Variants in RBFOX1 observed in about 807,000 individuals in gnomAD.
The protein encoded by RBFOX1 is RNA binding fox-1 homolog 1.
A neutral mutation model predicts 57.7 loss-of-function variants in RBFOX1; 8 were observed. That is an observed-to-expected ratio of 0.14 (90% confidence interval 0.08 to 0.25). RBFOX1 has a LOEUF of 0.25. RBFOX1 is among the 10% of genes least tolerant of loss of function. The probability of loss-of-function intolerance (pLI) is 1.00; values close to 1 mark genes in which losing one functional copy is unlikely to be tolerated. For missense variants in RBFOX1, 611 were observed against 548.5 expected (o/e 1.11, Z -1.14); for synonymous variants, 326 against 222.4 (o/e 1.47, Z -4.15).
intron 1 of RBFOX1, among the ~76,000 whole-genome samples, chr16:6,136,034 A>T (rs974772097): frequency 9.2e-5 from 14 of 151,942 alleles, no homozygotes; most frequent in African/African-American, 3.4e-4. Flanking sequence ...ACCTCAAGTG[A>T]TCTGCTTGCC....
intron 5 of RBFOX1, chr16:7,519,609 A>G (rs1338191265): frequency 5.6e-6 from 4 of 711,714 alleles, no homozygotes; most frequent in African/African-American, 1.9e-5. Flanking sequence ...GTAATCATGC[A>G]TACCACAAAA....
At position 6,946,307 on chromosome 16, in the gene RBFOX1, A is replaced by G. The variant is rs185052780; in HGVS notation, c.-15-105750A>G. On this transcript the variant is annotated intron_variant, in intron 3 of 15. Coordinates refer to ENST00000550418, the MANE Select transcript of RBFOX1 (RefSeq NM_018723.4). The stretch of plus-strand genomic sequence containing the variant: ...AACATATGGGTGTGGCTGTGTTCCA[A>G]TAAAACTTTATTTACAAAAATAGTC... Among the ~76,000 whole-genome samples, 188 of 152,334 alleles carry G rather than the reference A, an allele frequency of 1.2e-3. 1 individual carries two copies. The highest frequency in any genetic ancestry group is 2.6e-3 in the Admixed American group (40 of 15,298).
intron 3 of RBFOX1, among the ~76,000 whole-genome samples, chr16:6,813,058 A>G (rs531627678): frequency 1.1e-4 from 16 of 152,216 alleles, no homozygotes; most frequent in African/African-American, 3.9e-4. Flanking sequence ...CAGTCAAACA[A>G]TGCTGATGTA....
chr16:6,754,060 C>T (rs556399331), intron 3 of RBFOX1, among the ~76,000 whole-genome samples: 22 of 152,214 alleles, frequency 1.4e-4, no homozygotes, highest in South Asian at 8.3e-4. Flanking sequence ...CACTCTTCAG[C>T]ATAAAAAAAT....
At chr16:5,876,707 C>T (rs1205349223) in intron 4 of RBFOX1, among the ~76,000 whole-genome samples, 1 of 152,212 alleles carries the variant, frequency 6.6e-6, no homozygotes, top group Non-Finnish European at 1.5e-5. Flanking sequence ...TAGCATTATA[C>T]ATTCCAACCT....
At chr16:5,454,914 C>CTTT (rs1312250025) in intron 1 of RBFOX1, among the ~76,000 whole-genome samples, 1 of 55,748 alleles carries the variant, frequency 1.8e-5, no homozygotes, top group Admixed American at 2.1e-4. Flanking sequence ...TTCTTTCTTT[C>CTTT]CTTTGTTTCT....
At chr16:5,493,099 T>G (rs1166028394) in intron 2 of RBFOX1, among the ~76,000 whole-genome samples, 1 of 152,264 alleles carries the variant, frequency 6.6e-6, no homozygotes, top group Admixed American at 6.5e-5. Flanking sequence ...GCTGAGAAGA[T>G]GTGGCAGAGA....
At chr16:6,737,591 G>C (rs559810549) in intron 3 of RBFOX1, among the ~76,000 whole-genome samples, 2 of 152,092 alleles carry the variant, frequency 1.3e-5, no homozygotes, top group African/African-American at 4.8e-5. Context: ...GTGTTTTCTC[G>C]CCCGAGGCTC....
At chr16:6,841,694 G>A (rs897022856) in intron 3 of RBFOX1, among the ~76,000 whole-genome samples, 2 of 152,036 alleles carry the variant, frequency 1.3e-5, no homozygotes, top group African/African-American at 2.4e-5. Flanking sequence ...AAATGATGGA[G>A]GCATTGTCAG....
chr16:6,075,498 T>G (rs957904600), intron 1 of RBFOX1, among the ~76,000 whole-genome samples: 1 of 152,350 alleles, frequency 6.6e-6, no homozygotes. Flanking sequence ...AAATATACTG[T>G]GTACCTTATA....
intron 2 of RBFOX1, among the ~76,000 whole-genome samples, chr16:6,499,805 T>G (rs954725323): frequency 3.9e-5 from 6 of 152,078 alleles, no homozygotes; most frequent in Admixed American, 6.6e-5. Flanking sequence ...CTCCAGTCAT[T>G]AGGGCATTCG....
intron 3 of RBFOX1, among the ~76,000 whole-genome samples, chr16:6,762,235 A>G (rs551066252): frequency 2.6e-5 from 4 of 152,306 alleles, no homozygotes; most frequent in East Asian, 3.9e-4. Context: ...CAAATAATCT[A>G]TTATGTAGAG....
rs574588107 is a variant in RBFOX1 at position 5,467,289 on chromosome 16, G to A, written c.258+35G>A. On this transcript the variant is annotated intron_variant, in intron 2 of 2. Transcript: ENST00000585867. ...CATTTTGTCCTGACTTAGGATGTCT[G>A]TGAAGTCTAGTGGAAATGAAAGCAA... 1.1e-4 allele frequency: 157 copies of A among 1,457,380 alleles called. 1 individual carries two copies. The South Asian group carries it at 1.7e-3, about 16-fold the overall frequency. 90.3% of individuals were successfully genotyped at this position (1,457,380 alleles called of 1,614,324 possible). A position where few individuals can be genotyped will look rare whatever the true frequency, so the allele number is the denominator to read the frequency against.
At chr16:7,261,403 A>G (rs1603456573) in intron 4 of RBFOX1, among the ~76,000 whole-genome samples, 1 of 152,116 alleles carries the variant, frequency 6.6e-6, no homozygotes, top group African/African-American at 2.4e-5. Flanking sequence ...CCATGTGTTA[A>G]CCTGGGGCCC....
At chr16:7,595,510 A>G in intron 7 of RBFOX1, 39 bp from the exon 8 acceptor site, 2 of 1,455,962 alleles carry the variant, frequency 1.4e-6, no homozygotes, top group South Asian at 1.4e-5. Context: ...CTGAAATAAT[A>G]ATCTGCATGT....
At chr16:6,125,942 G>C (rs964358468) in intron 1 of RBFOX1, among the ~76,000 whole-genome samples, 4 of 152,080 alleles carry the variant, frequency 2.6e-5, no homozygotes, top group Admixed American at 2.0e-4. Flanking sequence ...GTATTAAAAT[G>C]GTAAAGCTAT....
chr16:7,037,228 CTTTTTTTTTTTTT>C (rs889539532), intron 3 of RBFOX1, among the ~76,000 whole-genome samples: 62 of 80,552 alleles, frequency 7.7e-4, no homozygotes, highest in Admixed American at 1.2e-3. Context: ...GTCTTAGCCT[CTTTTTTTTTTTTT>C]TTTTTTTTTT....
At chr16:6,263,124 G>T (rs1478025272) in intron 1 of RBFOX1, among the ~76,000 whole-genome samples, 1 of 152,138 alleles carries the variant, frequency 6.6e-6, no homozygotes, top group Non-Finnish European at 1.5e-5. Flanking sequence ...GTGCGCCTGT[G>T]GGTTGAAATG....
At chr16:5,281,406 C>G (rs545460232) in intron 1 of RBFOX1, among the ~76,000 whole-genome samples, 2 of 152,264 alleles carry the variant, frequency 1.3e-5, no homozygotes, top group East Asian at 1.9e-4. Flanking sequence ...TCTGCTGCTG[C>G]TGGATGAAAT....
Sources: gnomAD v4.1 joint callset for allele counts (sites outside exome capture counted in the v4.1 genomes callset) on GRCh38, gnomAD v4.1.1 for gene constraint, MANE v1.5 for transcripts, NCBI Gene and HGNC (gene_info 2026-07-23, HGNC 2026-07-21) for gene names.